Variants in SPACA7 observed in about 807,000 individuals in gnomAD.
SPACA7 encodes sperm acrosome associated 7.
A neutral mutation model predicts 26.3 loss-of-function variants in SPACA7; 19 were observed. The ratio of observed to expected loss-of-function variants is 0.72; its 90% CI spans 0.50 to 1.06. The LOEUF (loss-of-function observed/expected upper bound fraction) is 1.06. SPACA7 is among the 50% of genes least tolerant of loss of function. The pLI, the probability that SPACA7 is intolerant of heterozygous loss-of-function variation, is 0.00. For synonymous variants in SPACA7, 84 were observed against 84.5 expected (o/e 0.99, Z 0.04); for missense variants, 211 against 229.9 (o/e 0.92, Z 0.53).
chr13:112,386,243 T>C (rs957812168), intron 1 of SPACA7, among the ~76,000 whole-genome samples: 2 of 152,174 alleles, frequency 1.3e-5, no homozygotes, highest in African/African-American at 2.4e-5. Context: ...AGAGCATGCA[T>C]CTCTGATCCA....
chr13:112,429,174 C>G (rs939251811), intron 5 of SPACA7, among the ~76,000 whole-genome samples: 4 of 152,084 alleles, frequency 2.6e-5, no homozygotes, highest in African/African-American at 9.7e-5. Flanking sequence ...CCCAGGAGTT[C>G]AAGACCAGCC....
At chr13:112,384,846 T>A (rs1208063785) in intron 1 of SPACA7, among the ~76,000 whole-genome samples, 1 of 152,232 alleles carries the variant, frequency 6.6e-6, no homozygotes, top group Non-Finnish European at 1.5e-5. Context: ...TAACATTACA[T>A]AAAATTTGTC....
chr13:112,387,860 A>G (rs998863657), intron 1 of SPACA7, among the ~76,000 whole-genome samples: 2 of 151,864 alleles, frequency 1.3e-5, no homozygotes, highest in African/African-American at 4.8e-5. Flanking sequence ...CACACATAAG[A>G]AAACAAACAT....
chr13:112,390,009 G>C (rs1191181934), intron 1 of SPACA7, among the ~76,000 whole-genome samples: 1 of 152,156 alleles, frequency 6.6e-6, no homozygotes, highest in Non-Finnish European at 1.5e-5. Flanking sequence ...TGCCCCACCT[G>C]TTTCCAGTTG....
intron 5 of SPACA7, among the ~76,000 whole-genome samples, chr13:112,418,017 G>A (rs551160726): frequency 1.9e-3 from 292 of 151,962 alleles, no homozygotes; most frequent in Middle Eastern, 0.01. Flanking sequence ...GGAAATATTG[G>A]GAGACACAGG....
chr13:112,395,078 G>A (rs990942067), intron 2 of SPACA7, among the ~76,000 whole-genome samples: 5 of 152,166 alleles, frequency 3.3e-5, no homozygotes, highest in Admixed American at 6.5e-5. Context: ...CCACCATCAC[G>A]TGCAATGTCA....
chr13:112,398,200 T>G (rs1885408639), intron 3 of SPACA7, 62 bp downstream of exon 3: 1 of 1,262,296 alleles, frequency 7.9e-7, no homozygotes, highest in South Asian at 1.2e-5. Flanking sequence ...CCTGGAGGTC[T>G]GTGGTATGGA....
intron 5 of SPACA7, among the ~76,000 whole-genome samples, chr13:112,407,692 C>A (rs765287762): frequency 6.6e-6 from 1 of 152,170 alleles, no homozygotes; most frequent in Non-Finnish European, 1.5e-5. Context: ...CCTGAATACA[C>A]CAATAACAGG....
In SPACA7 at chr13:112,382,313, G is replaced by A. The variant is rs548782040; in HGVS notation, c.94+5834G>A. ...TGTTGCCAGACTGGAGTGCAGAGGC[G>A]CCTCTCGATTTCTTGACCTCATGGT... On this transcript the variant is annotated intron_variant, in intron 1 of 6. Coordinates refer to ENST00000283550, the MANE Select transcript of SPACA7 (RefSeq NM_145248.5). 7.9e-4 allele frequency: 730 copies of A among 928,932 alleles called. 3 individuals carry two copies. The highest frequency in any genetic ancestry group is 2.3e-3 in the South Asian group (126 of 53,758). 57.5% of individuals were successfully genotyped at this position (928,932 alleles called of 1,614,324 possible). A position where few individuals can be genotyped will look rare whatever the true frequency, so the allele number is the denominator to read the frequency against.
chr13:112,395,134 A>C (rs1458208808), intron 2 of SPACA7, among the ~76,000 whole-genome samples: 1 of 152,190 alleles, frequency 6.6e-6, no homozygotes, highest in Non-Finnish European at 1.5e-5. Context: ...CCTCTGAGTC[A>C]GGCAGGGGAT....
intron 5 of SPACA7, among the ~76,000 whole-genome samples, chr13:112,424,997 A>T (rs537411147): frequency 4.6e-5 from 7 of 152,188 alleles, no homozygotes; most frequent in Admixed American, 2.0e-4. Flanking sequence ...AGAATGTGAA[A>T]CCTTGACCCT....
At chr13:112,386,251 C>G (rs1267664888) in intron 1 of SPACA7, among the ~76,000 whole-genome samples, 1 of 152,206 alleles carries the variant, frequency 6.6e-6, no homozygotes, top group Non-Finnish European at 1.5e-5. Context: ...CATCTCTGAT[C>G]CAAGTAGGCA....
At chr13:112,377,217 A>G (rs1371822037) in intron 1 of SPACA7, among the ~76,000 whole-genome samples, 1 of 152,206 alleles carries the variant, frequency 6.6e-6, no homozygotes, top group African/African-American at 2.4e-5. Flanking sequence ...TGAAGCATTT[A>G]TATTTTTTGT....
intron 5 of SPACA7, among the ~76,000 whole-genome samples, chr13:112,429,890 CT>C (rs1477710584): frequency 1.3e-5 from 2 of 152,162 alleles, no homozygotes; most frequent in African/African-American, 4.8e-5. Context: ...TTGAGGCTTG[CT>C]TTTATGCTAT....
Position 112,389,947 on chromosome 13 carries a change from G to A in SPACA7, c.95-3074G>A, listed in dbSNP as rs978363875. Among the ~76,000 whole-genome samples the A allele has an allele frequency of 9.8e-5, 15 of 152,368 alleles. No homozygotes were observed. The South Asian group carries it at 1.4e-3, about 15-fold the overall frequency. On this transcript the variant is annotated intron_variant, in intron 1 of 6. Coordinates refer to ENST00000283550, the MANE Select transcript of SPACA7 (RefSeq NM_145248.5). ...GATATTATTTAATCTCACAGAGGCT[G>A]TGATTGAAGCAGCCATCTGGATATA...
chr13:112,387,306 G>A (rs1007972587), intron 1 of SPACA7, among the ~76,000 whole-genome samples: 5 of 152,218 alleles, frequency 3.3e-5, no homozygotes, highest in Non-Finnish European at 7.3e-5. Context: ...AAACAAGACA[G>A]AAAAATTTCA....
intron 1 of SPACA7, among the ~76,000 whole-genome samples, chr13:112,383,070 GAGAA>G (rs1024042006): frequency 9.3e-5 from 13 of 140,198 alleles, no homozygotes; most frequent in African/African-American, 1.6e-4. Context: ...GAGACAGAAA[GAGAA>G]AGAAAGAAAA....
chr13:112,410,901 G>A (rs1308158098), intron 5 of SPACA7, among the ~76,000 whole-genome samples: 1 of 152,142 alleles, frequency 6.6e-6, no homozygotes, highest in Non-Finnish European at 1.5e-5. Flanking sequence ...GCAATCCAGT[G>A]TCCACTGACG....
intron 1 of SPACA7, among the ~76,000 whole-genome samples, chr13:112,391,648 C>T (rs1006556204): frequency 6.6e-6 from 1 of 152,228 alleles, no homozygotes; most frequent in African/African-American, 2.4e-5. Context: ...CTCCACTTGA[C>T]AATGCACTTT....
Sources: allele counts gnomAD v4.1 joint callset (sites outside exome capture counted in the v4.1 genomes callset), GRCh38; gene constraint gnomAD v4.1.1; transcripts MANE v1.5; gene names NCBI Gene and HGNC (gene_info 2026-07-23, HGNC 2026-07-21).